The following UBALD2 variants were observed in gnomAD, a reference collection of about 807,000 sequenced individuals.
The protein encoded by UBALD2 is UBA like domain containing 2, also known as UBA-like domain-containing protein 2.
A neutral mutation model predicts 15.9 loss-of-function variants in UBALD2; 8 were observed. The observed-to-expected ratio is 0.50, with a 90% CI of 0.29 to 0.91. The LOEUF is 0.91. Among genes scored for constraint, UBALD2 ranks in the 40% least tolerant of loss-of-function variants. The pLI is 0.07. For missense variants in UBALD2, 178 were observed against 234.8 expected (o/e 0.76, Z 1.58); for synonymous variants, 113 against 97.7 (o/e 1.16, Z -0.93).
intron 1 of UBALD2, 52 bp from the exon 2 acceptor site, chr17:76,265,855 G>A: frequency 1.3e-6 from 2 of 1,567,462 alleles, no homozygotes; most frequent in African/African-American, 1.4e-5. Flanking sequence ...CCCAGCCGCT[G>A]CGTTTCCTGA....
At chr17:76,266,760 T>A (rs1010862919) in intron 2 of UBALD2, among the ~76,000 whole-genome samples, 37 of 152,268 alleles carry the variant, frequency 2.4e-4, no homozygotes, top group African/African-American at 8.9e-4. Flanking sequence ...ACATCTCTCC[T>A]GTACCCTACC....
chr17:76,270,133 C>A (rs1302008899), intron 2 of UBALD2, 61 bp from the exon 3 acceptor site: 1 of 1,568,072 alleles, frequency 6.4e-7, no homozygotes, highest in African/African-American at 1.4e-5. Flanking sequence ...CTGGGTAAGC[C>A]CCATCCAGTG....
At chr17:76,267,153 C>T (rs1039806549) in intron 2 of UBALD2, among the ~76,000 whole-genome samples, 1 of 152,156 alleles carries the variant, frequency 6.6e-6, no homozygotes, top group African/African-American at 2.4e-5. Flanking sequence ...GCTTGAGTCT[C>T]GAAGCTTCCT....
Position 76,265,501 on chromosome 17 carries a change from G to A in UBALD2, c.-5G>A. The A allele has an allele frequency of 1.6e-6, 2 of 1,220,080 alleles. No homozygotes were observed. The highest frequency in any genetic ancestry group is 1.6e-5 in the African/African-American group (1 of 61,898). The allele number at this position is 1,220,080 out of a possible 1,614,324, so 75.6% of individuals were successfully genotyped here. ...GAGACGCCGGGCCCCGCGCCGCGCC[G>A]CGCCATGTCGGTGAACATGGACGAG... On this transcript the variant is annotated 5_prime_UTR_variant, in exon 1 of 3. Transcript: ENST00000327490.
chr17:76,266,764 C>T (rs1197076726), intron 2 of UBALD2, among the ~76,000 whole-genome samples: 1 of 152,224 alleles, frequency 6.6e-6, no homozygotes, highest in East Asian at 1.9e-4. Context: ...CTCTCCTGTA[C>T]CCTACCCCCC....
rs534091575 is a variant in UBALD2 at position 76,268,981 on chromosome 17, C to T, written c.184-1213C>T. Among the ~76,000 whole-genome samples, 369 of 152,146 alleles carry T rather than the reference C, an allele frequency of 2.4e-3. 2 individuals are homozygous for T. The highest frequency in any genetic ancestry group is 4.3e-3 in the Non-Finnish European group (294 of 67,978). ...AACTCCTAACCTCAGGTGATCCACCCGCCTCGGCCTCCCAAAGTGCTGGGA... is the reference window on the plus strand; with the variant it reads ...AACTCCTAACCTCAGGTGATCCACCTGCCTCGGCCTCCCAAAGTGCTGGGA... On this transcript the variant is annotated intron_variant, in intron 2 of 2. Coordinates refer to ENST00000327490, the MANE Select transcript of UBALD2 (RefSeq NM_182565.4).
At position 76,270,573 on chromosome 17, in the gene UBALD2, C is replaced by T. The variant is rs2143067966; in HGVS notation, c.*68C>T. ...CAGGGTTGTGGGGACACAGGAGGGCCAGGGAGGGGGGAGCCGGGGAGGGCA... is the reference window on the plus strand; with the variant it reads ...CAGGGTTGTGGGGACACAGGAGGGCTAGGGAGGGGGGAGCCGGGGAGGGCA... On this transcript the variant is annotated 3_prime_UTR_variant, in exon 3 of 3. Transcript: ENST00000327490. 1 of 1,324,710 alleles carries T rather than the reference C, an allele frequency of 7.5e-7. No homozygotes were observed. The highest frequency in any genetic ancestry group is 3.0e-5 in the East Asian group (1 of 33,448). 82.1% of individuals were successfully genotyped at this position (1,324,710 alleles called of 1,614,324 possible).
chr17:76,266,141 G>A (rs1222926551), intron 2 of UBALD2, among the ~76,000 whole-genome samples, 172 bp downstream of exon 2: 1 of 152,222 alleles, frequency 6.6e-6, no homozygotes, highest in Admixed American at 6.5e-5. Context: ...CCCGCCTCCC[G>A]GGCTGCTGCT....
Position 76,270,243 on chromosome 17 carries a change from C to T in UBALD2, c.233C>T (p.Ala78Val), listed in dbSNP as rs2070575926. The change falls in exon 3 of 3, where the codon GCG (alanine) becomes GTG (valine). Residue 78 changes from alanine to valine, a missense_variant. Coordinates refer to ENST00000327490, the MANE Select transcript of UBALD2 (RefSeq NM_182565.4). The stretch of plus-strand genomic sequence containing the variant: ...GCCACGCCGCCCAACTTCCCCGATG[C>T]GCTGGCCATGTTCTCCAAGCTCCGC... Reference protein sequence around the residue: ...TPATPPNFPDALAMFSKLRAS... With the variant: ...TPATPPNFPDVLAMFSKLRAS... The T allele has an allele frequency of 8.1e-6, 13 of 1,612,696 alleles. No homozygotes were observed. The highest frequency in any genetic ancestry group is 1.1e-5 in the Non-Finnish European group (13 of 1,179,956).
chr17:76,270,050 C>T lies in UBALD2; in HGVS notation c.184-144C>T, dbSNP rs1029965997. 1.9e-5 allele frequency: 15 copies of T among 775,082 alleles called. No individual in the cohort carries two copies. In the African/African-American group the frequency reaches 2.5e-4, roughly 13 times the overall value. The allele number at this position is 775,082 out of a possible 1,614,324, so 48.0% of individuals were successfully genotyped here. On this transcript the variant is annotated intron_variant, in intron 2 of 2. Transcript: ENST00000327490. ...TGTTTGTATTGCCTCGGGGAGAGGG[C>T]ACTTTTGTCCTGTGGAAGCTGCTTG... is the stretch of plus-strand genomic sequence containing the variant.
chr17:76,270,437 T>G lies in UBALD2; in HGVS notation c.427T>G (p.Trp143Gly), dbSNP rs1207086372. 7 of 1,510,552 alleles carry G rather than the reference T, an allele frequency of 4.6e-6. No individual in the cohort carries two copies. In the South Asian group the frequency reaches 6.1e-5, roughly 13 times the overall value. The allele number at this position is 1,510,552 out of a possible 1,614,324, so 93.6% of individuals were successfully genotyped here. A position where few individuals can be genotyped will look rare whatever the true frequency, so the allele number is the denominator to read the frequency against. The change falls in exon 3 of 3, where the codon TGG becomes GGG. Residue 143 changes from tryptophan (W) to glycine (G), a missense_variant. Transcript: ENST00000327490. ...FHHLHRPQPT[W>G]PPGAQQGGAQ... ...CCACCTCCACCGCCCACAGCCCACG[T>G]GGCCCCCAGGAGCACAGCAGGGGGG...
At chr17:76,268,447 C>T (rs2070561006) in intron 2 of UBALD2, among the ~76,000 whole-genome samples, 1 of 150,938 alleles carries the variant, frequency 6.6e-6, no homozygotes, top group African/African-American at 2.5e-5. Flanking sequence ...CCCCACCCTT[C>T]ATTCATTGTT....
chr17:76,265,805 C>T (rs2070540530), intron 1 of UBALD2, 102 bp from the exon 2 acceptor site: 7 of 1,478,716 alleles, frequency 4.7e-6, no homozygotes, highest in South Asian at 2.5e-5. Context: ...GGGTCGGGGG[C>T]CGCGGGCCGG....
chr17:76,265,761 G>A, intron 1 of UBALD2, 136 bp downstream of exon 1: 7 of 1,351,566 alleles, frequency 5.2e-6, no homozygotes, highest in Non-Finnish European at 4.8e-6. Flanking sequence ...GACCGGGGCC[G>A]GGACCGGCTC....
chr17:76,266,797 G>T (rs1469277291), intron 2 of UBALD2, among the ~76,000 whole-genome samples: 2 of 152,110 alleles, frequency 1.3e-5, no homozygotes, highest in East Asian at 3.9e-4. Context: ...AGCCCTGCTG[G>T]GGGAGGAGGG....
chr17:76,270,189 C>T lies in UBALD2; in HGVS notation c.184-5C>T, dbSNP rs768904005. 15 of 1,611,818 alleles carry T rather than the reference C, an allele frequency of 9.3e-6. No homozygotes were observed. Among genetic ancestry groups the T allele is most frequent in the East Asian group, 4.5e-5 (2 of 44,858 alleles). ...GCCTCCCCACACCCGTGTTCTCTCC[C>T]GCAGATGTGCACTCCCAGCAACACC... On this transcript the variant is annotated splice_region_variant and splice_polypyrimidine_tract_variant and intron_variant, in intron 2 of 2. Coordinates refer to ENST00000327490, the MANE Select transcript of UBALD2 (RefSeq NM_182565.4).
chr17:76,268,878 C>T lies in UBALD2; in HGVS notation c.184-1316C>T, dbSNP rs147817972. On this transcript the variant is annotated intron_variant, in intron 2 of 2. Transcript: ENST00000327490. ...CCTCCCAAGTAGCTGGGATTATAGACGCCCATCACCACACCCAGCTAATTT... is the reference window on the plus strand; with the variant it reads ...CCTCCCAAGTAGCTGGGATTATAGATGCCCATCACCACACCCAGCTAATTT... Among the ~76,000 whole-genome samples the T allele has an allele frequency of 4.2e-3, 640 of 152,058 alleles. 2 individuals are homozygous for T. Among genetic ancestry groups the T allele is most frequent in the African/African-American group, 0.015 (613 of 41,472 alleles).
intron 2 of UBALD2, among the ~76,000 whole-genome samples, chr17:76,267,663 T>C (rs2070555188): frequency 6.7e-6 from 1 of 148,806 alleles, no homozygotes; most frequent in Admixed American, 6.7e-5. Context: ...TGGCAATTTC[T>C]TTTCTTTTTT....
chr17:76,268,377 C>T (rs1200344665), intron 2 of UBALD2, among the ~76,000 whole-genome samples: 1 of 152,176 alleles, frequency 6.6e-6, no homozygotes, highest in Admixed American at 6.5e-5. Context: ...AGACAGGCCT[C>T]GCTGGCTGGC....
Sources: allele counts gnomAD v4.1 joint callset (sites outside exome capture counted in the v4.1 genomes callset), GRCh38; gene constraint gnomAD v4.1.1; transcripts MANE v1.5; gene names NCBI Gene and HGNC (gene_info 2026-07-23, HGNC 2026-07-21).